Variants in NKAIN3 observed in about 807,000 individuals in gnomAD.
NKAIN3 encodes the protein sodium/potassium-transporting ATPase subunit beta-1-interacting protein 3.
Under a neutral mutation model 30.2 loss-of-function variants are expected in NKAIN3, and 25 were observed. That is an observed-to-expected ratio of 0.83 (90% confidence interval 0.60 to 1.16). The LOEUF is 1.16. NKAIN3 is among the 50% of genes most tolerant of loss of function. The probability of loss-of-function intolerance (pLI) is 0.00; values close to 1 mark genes in which losing one functional copy is unlikely to be tolerated. For synonymous variants in NKAIN3, 91 were observed against 89.6 expected (o/e 1.02, Z -0.09); for missense variants, 225 against 254.1 (o/e 0.89, Z 0.78).
chr8:62,495,281 G>A (rs1055019526), intron 1 of NKAIN3, among the ~76,000 whole-genome samples: 1 of 152,030 alleles, frequency 6.6e-6, no homozygotes, highest in Non-Finnish European at 1.5e-5. Context: ...ACTAGAATAA[G>A]AGTATTGATA....
chr8:62,973,206 A>G lies in NKAIN3; in HGVS notation c.*7799A>G, dbSNP rs1205155385. 6.6e-6 allele frequency among the ~76,000 whole-genome samples: 1 copy of G among 152,252 alleles called. No homozygotes were observed. The highest frequency in any genetic ancestry group is 1.5e-5 in the Non-Finnish European group (1 of 68,050). On this transcript the variant is annotated 3_prime_UTR_variant, in exon 7 of 7. Coordinates refer to ENST00000623646, the MANE Select transcript of NKAIN3 (RefSeq NM_001304533.3). ...ACACCCAGTAGGGGATTGCTGGATC[A>G]AATGGTATTTCTAGTTCTAGATCCT...
intron 1 of NKAIN3, among the ~76,000 whole-genome samples, chr8:62,562,466 C>T (rs1809617928): frequency 6.6e-6 from 1 of 152,144 alleles, no homozygotes; most frequent in Admixed American, 6.6e-5. Context: ...CTAACGTTTT[C>T]ATTAGTTCTA....
chr8:62,570,579 G>A (rs949079707), intron 1 of NKAIN3, among the ~76,000 whole-genome samples: 2 of 152,050 alleles, frequency 1.3e-5, no homozygotes, highest in Non-Finnish European at 2.9e-5. Context: ...ATCAGATATC[G>A]TGAGGCTTAT....
intron 1 of NKAIN3, among the ~76,000 whole-genome samples, chr8:62,322,915 A>T (rs1398512850): frequency 6.6e-6 from 1 of 152,228 alleles, no homozygotes; most frequent in Admixed American, 6.5e-5. Flanking sequence ...ATAGGAAAAT[A>T]TGCTCCATAT....
chr8:62,362,283 C>T (rs566685436), intron 1 of NKAIN3, among the ~76,000 whole-genome samples: 1 of 152,254 alleles, frequency 6.6e-6, no homozygotes, highest in South Asian at 2.1e-4. Context: ...TTTAGACTGC[C>T]CTGCATAGCT....
At chr8:62,809,806 A>G (rs1182733494) in intron 4 of NKAIN3, among the ~76,000 whole-genome samples, 1 of 152,204 alleles carries the variant, frequency 6.6e-6, no homozygotes, top group Non-Finnish European at 1.5e-5. Context: ...CAAGTAATTT[A>G]CTTTTGATCA....
intron 3 of NKAIN3, among the ~76,000 whole-genome samples, chr8:62,698,105 C>T (rs552072647): frequency 1.3e-5 from 2 of 151,688 alleles, no homozygotes; most frequent in South Asian, 4.2e-4. Flanking sequence ...CAGATTAAAT[C>T]AGTACAAACT....
chr8:62,299,489 G>C (rs1813965460), intron 1 of NKAIN3, among the ~76,000 whole-genome samples: 1 of 152,098 alleles, frequency 6.6e-6, no homozygotes, highest in African/African-American at 2.4e-5. Context: ...CTATAATTTT[G>C]CTATAGTGAG....
intron 1 of NKAIN3, among the ~76,000 whole-genome samples, chr8:62,538,262 C>A (rs1268943012): frequency 6.6e-6 from 1 of 152,106 alleles, no homozygotes; most frequent in African/African-American, 2.4e-5. Flanking sequence ...GCAGCATCGA[C>A]CTCTCAGGCT....
intron 1 of NKAIN3, among the ~76,000 whole-genome samples, chr8:62,574,822 C>A (rs1441641289): frequency 2.6e-5 from 4 of 151,954 alleles, no homozygotes; most frequent in African/African-American, 9.7e-5. Context: ...TTTTTATATA[C>A]CCGTTGGCCA....
chr8:62,281,924 A>G (rs931424885), intron 1 of NKAIN3, among the ~76,000 whole-genome samples: 1 of 152,086 alleles, frequency 6.6e-6, no homozygotes, highest in Non-Finnish European at 1.5e-5. Flanking sequence ...TTTTTAAAAA[A>G]GCATGCTTGT....
At chr8:62,257,735 TA>T (rs1812307024) in intron 1 of NKAIN3, among the ~76,000 whole-genome samples, 1 of 152,228 alleles carries the variant, frequency 6.6e-6, no homozygotes, top group African/African-American at 2.4e-5. Context: ...TTCAAGGTTG[TA>T]AAACTAAGAA....
chr8:62,729,049 A>G (rs1403414918), intron 3 of NKAIN3, among the ~76,000 whole-genome samples: 2 of 142,554 alleles, frequency 1.4e-5, no homozygotes, highest in South Asian at 4.5e-4. Flanking sequence ...ACAAAAAAAA[A>G]AAACCTCCTG....
intron 1 of NKAIN3, among the ~76,000 whole-genome samples, chr8:62,308,709 C>G (rs936936633): frequency 6.7e-6 from 1 of 150,286 alleles, no homozygotes; most frequent in Non-Finnish European, 1.5e-5. Context: ...TCATGACATT[C>G]AAAGAGCTTG....
chr8:62,440,594 G>A (rs1308830130), intron 1 of NKAIN3, among the ~76,000 whole-genome samples: 1 of 152,026 alleles, frequency 6.6e-6, no homozygotes, highest in Non-Finnish European at 1.5e-5. Context: ...CTGTGTACAT[G>A]TTGATTCTCA....
intron 3 of NKAIN3, among the ~76,000 whole-genome samples, chr8:62,649,643 G>A (rs781746136): frequency 9.9e-5 from 15 of 152,130 alleles, no homozygotes; most frequent in Non-Finnish European, 2.1e-4. Flanking sequence ...GAAGTTGGGG[G>A]CATTCTCACT....
At chr8:62,253,567 T>C (rs1812174801) in intron 1 of NKAIN3, among the ~76,000 whole-genome samples, 1 of 152,108 alleles carries the variant, frequency 6.6e-6, no homozygotes, top group South Asian at 2.1e-4. Context: ...ACACTCTCTA[T>C]CTAAAAAGAA....
At chr8:62,958,230 C>G (rs566589933) in intron 6 of NKAIN3, among the ~76,000 whole-genome samples, 50 of 152,086 alleles carry the variant, frequency 3.3e-4, no homozygotes, top group African/African-American at 1.2e-3. Context: ...CTTGACAGCT[C>G]TCGGTGAGGA....
At chr8:62,439,968 G>A (rs1045666919) in intron 1 of NKAIN3, among the ~76,000 whole-genome samples, 1 of 152,174 alleles carries the variant, frequency 6.6e-6, no homozygotes, top group Non-Finnish European at 1.5e-5. Flanking sequence ...TGAGGAGAAT[G>A]TGTTTTCCTG....
Sources: allele counts gnomAD v4.1 joint callset (sites outside exome capture counted in the v4.1 genomes callset), GRCh38; gene constraint gnomAD v4.1.1; transcripts MANE v1.5; gene names NCBI Gene and HGNC (gene_info 2026-07-23, HGNC 2026-07-21).